Variants in PCDHA10 observed in about 807,000 individuals in gnomAD.
The protein encoded by PCDHA10 is protocadherin alpha 10.
Under a neutral mutation model 61.2 loss-of-function variants are expected in PCDHA10, and 45 were observed. The observed-to-expected ratio is 0.74, with a 90% confidence interval of 0.58 to 0.94. PCDHA10 has a LOEUF of 0.94. PCDHA10 is among the 40% of genes least tolerant of loss of function. The probability of loss-of-function intolerance (pLI) is 0.00; values close to 1 mark genes in which losing one functional copy is unlikely to be tolerated. For synonymous variants in PCDHA10, 602 were observed against 548.8 expected (o/e 1.10, Z -1.35); for missense variants, 1,278 against 1,236.2 (o/e 1.03, Z -0.51).
intron 1 of PCDHA10, chr5:140,877,865 T>C (rs1554170196): frequency 1.3e-6 from 2 of 1,496,610 alleles, no homozygotes; most frequent in South Asian, 2.8e-5. Flanking sequence ...TATTTAGATA[T>C]ATTTGTTTCC....
chr5:140,933,423 A>G (rs2089141997), intron 1 of PCDHA10, among the ~76,000 whole-genome samples: 1 of 152,144 alleles, frequency 6.6e-6, no homozygotes, highest in Non-Finnish European at 1.5e-5. Flanking sequence ...TTCTGTGTTC[A>G]TAGGGGCACT....
chr5:141,000,421 ATTTTTT>A (rs34755515), intron 3 of PCDHA10, among the ~76,000 whole-genome samples: 34 of 27,962 alleles, frequency 1.2e-3, no homozygotes, highest in East Asian at 9.9e-3. Context: ...ATATATATAT[ATTTTTT>A]TTTTTTTTTT....
chr5:140,948,645 C>T (rs1468901970), intron 1 of PCDHA10, among the ~76,000 whole-genome samples: 1 of 151,562 alleles, frequency 6.6e-6, no homozygotes. Flanking sequence ...CATCTTTTAA[C>T]GTCTGTATAA....
chr5:140,893,138 A>G (rs1336386852), intron 1 of PCDHA10, among the ~76,000 whole-genome samples: 1 of 152,142 alleles, frequency 6.6e-6, no homozygotes, highest in Non-Finnish European at 1.5e-5. Context: ...TTCTTTATCC[A>G]CTCATCTGTT....
chr5:140,917,999 A>T (rs1292582356), intron 1 of PCDHA10, among the ~76,000 whole-genome samples: 2 of 152,162 alleles, frequency 1.3e-5, no homozygotes, highest in African/African-American at 4.8e-5. Context: ...GGTTATCTTA[A>T]CAATGTTGTT....
intron 1 of PCDHA10, among the ~76,000 whole-genome samples, chr5:140,957,690 T>G (rs2095375856): frequency 6.6e-6 from 1 of 152,060 alleles, no homozygotes; most frequent in South Asian, 2.1e-4. Context: ...ATCTAGACAA[T>G]GAACATTATG....
intron 1 of PCDHA10, among the ~76,000 whole-genome samples, chr5:140,914,693 G>C (rs1554196535): frequency 7.9e-5 from 12 of 151,662 alleles, no homozygotes; most frequent in Non-Finnish European, 1.8e-4. Flanking sequence ...TTCTCTGGTG[G>C]TATGATTTAA....
At chr5:140,882,717 C>T (rs1311295002) in intron 1 of PCDHA10, 1 of 1,614,102 alleles carries the variant, frequency 6.2e-7, no homozygotes, top group Non-Finnish European at 8.5e-7. Context: ...CCTCCGGAAA[C>T]TCGATTTCCA....
rs201793837 is a variant in PCDHA10 at position 141,003,710 on chromosome 5, A to G, written c.2537-5917A>G. Among the ~76,000 whole-genome samples, 7 of 152,316 alleles carry G rather than the reference A, an allele frequency of 4.6e-5. No homozygotes were observed. The East Asian group carries it at 1.2e-3, about 25-fold the overall frequency. On this transcript the variant is annotated intron_variant, in intron 3 of 3. Transcript: ENST00000307360. ...AAATATATCCCTACCAATTGTGAAG[A>G]TATCGGCTAATCCAATAAAAAAGCA... is the stretch of plus-strand genomic sequence containing the variant.
At chr5:140,882,529 T>G (rs1277056302) in intron 1 of PCDHA10, 1 of 1,614,074 alleles carries the variant, frequency 6.2e-7, no homozygotes, top group Non-Finnish European at 8.5e-7. Context: ...TGTTTGTGAA[T>G]TCTCGGATCG....
chr5:140,946,875 G>T (rs1283632599), intron 1 of PCDHA10, among the ~76,000 whole-genome samples: 1 of 151,288 alleles, frequency 6.6e-6, no homozygotes, highest in Non-Finnish European at 1.5e-5. Flanking sequence ...TGGTCAATGG[G>T]TACGAAGTTA....
intron 1 of PCDHA10, chr5:140,929,409 T>G: frequency 6.6e-7 from 1 of 1,506,206 alleles, no homozygotes; most frequent in Non-Finnish European, 8.9e-7. Context: ...GACAAGCCTT[T>G]CACAACATTT....
chr5:140,938,843 C>G (rs1232774282), intron 1 of PCDHA10, among the ~76,000 whole-genome samples: 1 of 152,130 alleles, frequency 6.6e-6, no homozygotes, highest in East Asian at 1.9e-4. Context: ...AACAAACCTG[C>G]CCATGTACCC....
chr5:140,967,854 C>T (rs782783470), intron 1 of PCDHA10: 1 of 1,614,154 alleles, frequency 6.2e-7, no homozygotes, highest in South Asian at 1.1e-5. Flanking sequence ...GACAATGCCC[C>T]AGAGGTGGTG....
At chr5:140,927,590 T>C (rs782100491) in intron 1 of PCDHA10, 21 of 1,614,058 alleles carry the variant, frequency 1.3e-5, no homozygotes, top group Non-Finnish European at 1.4e-5. Flanking sequence ...GCGCCTGTAT[T>C]TGAGCGCTCC....
intron 1 of PCDHA10, among the ~76,000 whole-genome samples, chr5:140,973,163 G>A (rs1473284872): frequency 1.3e-5 from 2 of 152,166 alleles, no homozygotes; most frequent in African/African-American, 4.8e-5. Context: ...GCAATTTGTA[G>A]TCACCAAACC....
At chr5:140,988,267 C>T (rs1204961254) in intron 3 of PCDHA10, among the ~76,000 whole-genome samples, 1 of 152,146 alleles carries the variant, frequency 6.6e-6, no homozygotes, top group Non-Finnish European at 1.5e-5. Flanking sequence ...GAGTATCCTT[C>T]GCTGTCACCT....
At chr5:140,982,694 A>G in intron 3 of PCDHA10, 131 bp downstream of exon 3, 1 of 1,402,998 alleles carries the variant, frequency 7.1e-7, no homozygotes, top group Non-Finnish European at 9.4e-7. Flanking sequence ...TTCCATACAT[A>G]CATGATTTCC....
In PCDHA10 at chr5:140,922,940, G is replaced by A. The variant is rs138846807; in HGVS notation, c.2389-56009G>A. 4.7e-3 allele frequency among the ~76,000 whole-genome samples: 717 copies of A among 152,280 alleles called. 4 individuals carry two copies. Among genetic ancestry groups the A allele is most frequent in the Middle Eastern group, 0.021 (6 of 292 alleles). On this transcript the variant is annotated intron_variant, in intron 1 of 3. Coordinates refer to ENST00000307360, the MANE Select transcript of PCDHA10 (RefSeq NM_018901.4). Reference sequence around the variant, plus strand: ...ACTTCAGACTTTTACTTCCAGCAATGGAAATCCAGTTTGTCTTCAGCCAGT... The same window carrying A: ...ACTTCAGACTTTTACTTCCAGCAATAGAAATCCAGTTTGTCTTCAGCCAGT...
Sources: gnomAD v4.1 joint callset for allele counts (sites outside exome capture counted in the v4.1 genomes callset) on GRCh38, gnomAD v4.1.1 for gene constraint, MANE v1.5 for transcripts, NCBI Gene and HGNC (gene_info 2026-07-23, HGNC 2026-07-21) for gene names.